CNTNAP4: variants seen among roughly 807,000 people sequenced by gnomAD.
CNTNAP4 encodes contactin associated protein family member 4.
In CNTNAP4, 98 loss-of-function variants were observed where a neutral mutation model predicts 148.4. The observed-to-expected ratio is 0.66, with a 90% CI of 0.56 to 0.78. The LOEUF is 0.78. CNTNAP4 is among the 30% of genes least tolerant of loss of function. The pLI is 0.00. For missense variants in CNTNAP4, 1,935 were observed against 1,565.6 expected (o/e 1.24, Z -3.98); for synonymous variants, 730 against 565.1 (o/e 1.29, Z -4.14).
intron 1 of CNTNAP4, among the ~76,000 whole-genome samples, chr16:76,280,292 T>C (rs1958637551): frequency 6.6e-6 from 1 of 152,106 alleles, no homozygotes; most frequent in African/African-American, 2.4e-5. Context: ...GCACTTTAAT[T>C]TGAATGTTAA....
At chr16:76,280,723 T>C (rs925538585) in intron 1 of CNTNAP4, among the ~76,000 whole-genome samples, 5 of 152,144 alleles carry the variant, frequency 3.3e-5, no homozygotes, top group South Asian at 2.1e-4. Context: ...ATGGGTGTGC[T>C]CTTTGAGAAG....
chr16:76,505,999 C>T lies in CNTNAP4; in HGVS notation c.2365+7305C>T, dbSNP rs2082823341. Among the ~76,000 whole-genome samples, 2 of 97,688 alleles carry T rather than the reference C, an allele frequency of 2.0e-5. 1 individual carries two copies. The highest frequency in any genetic ancestry group is 5.1e-5 in the African/African-American group (2 of 38,990). The allele number at this position is 97,688 out of a possible 152,430, so 64.1% of individuals were successfully genotyped here. A position where few individuals can be genotyped will look rare whatever the true frequency, so the allele number is the denominator to read the frequency against. ...AAGATTTCAGTAATATGGATATTCT[C>T]CAATTCTCCAGCACATTTCTGGAAT... On this transcript the variant is annotated intron_variant, in intron 15 of 23. Transcript: ENST00000611870.
intron 8 of CNTNAP4, among the ~76,000 whole-genome samples, chr16:76,455,768 C>G (rs1486409808): frequency 6.6e-6 from 1 of 152,158 alleles, no homozygotes; most frequent in Non-Finnish European, 1.5e-5. Flanking sequence ...GCCTTTTGCA[C>G]CTTTGCTGAA....
chr16:76,355,396 C>A lies in CNTNAP4; in HGVS notation c.275C>A (p.Thr92Asn), dbSNP rs777332448. ...GACCTTGGAGAGAGAATGGAGGTCA[C>A]CGCTGTGGCCACTCAAGGGGGATAT... ...QIDLGERMEV[T>N]AVATQGGYGS... The change falls in exon 3 of 24, where the codon ACC becomes AAC. Residue 92 changes from threonine to asparagine, a missense_variant. Thr to Asn is a moderately conservative substitution (Grantham distance 65). Coordinates refer to ENST00000611870, the MANE Select transcript of CNTNAP4 (RefSeq NM_033401.5). The A allele has an allele frequency of 1.9e-6, 3 of 1,610,946 alleles. No homozygotes were observed. The highest frequency in any genetic ancestry group is 2.5e-6 in the Non-Finnish European group (3 of 1,178,308).
intron 2 of CNTNAP4, among the ~76,000 whole-genome samples, chr16:76,347,749 T>A (rs936829422): frequency 1.3e-5 from 2 of 152,030 alleles, no homozygotes; most frequent in African/African-American, 4.8e-5. Flanking sequence ...TGACTGATGT[T>A]CAGTTTATTC....
At chr16:76,367,210 C>G (rs901686674) in intron 3 of CNTNAP4, among the ~76,000 whole-genome samples, 4 of 151,700 alleles carry the variant, frequency 2.6e-5, no homozygotes, top group Non-Finnish European at 4.4e-5. Context: ...ATGTATTAGT[C>G]AATATGGAAA....
intron 3 of CNTNAP4, among the ~76,000 whole-genome samples, chr16:76,366,340 G>C (rs950056215): frequency 2.6e-5 from 4 of 152,056 alleles, no homozygotes; most frequent in Non-Finnish European, 4.4e-5. Flanking sequence ...GTGTTTATGA[G>C]TTCTCATCAT....
chr16:76,529,666 G>T (rs1297704879), intron 17 of CNTNAP4, among the ~76,000 whole-genome samples: 18 of 152,192 alleles, frequency 1.2e-4, no homozygotes, highest in Admixed American at 1.2e-3. Flanking sequence ...CTCTCACCTG[G>T]AGGAGAAGTA....
At chr16:76,377,905 A>G (rs993064383) in intron 3 of CNTNAP4, among the ~76,000 whole-genome samples, 1 of 152,200 alleles carries the variant, frequency 6.6e-6, no homozygotes, top group African/African-American at 2.4e-5. Context: ...TGAATTCACC[A>G]TGCTAGTGGC....
At chr16:76,457,262 G>A (rs188727823) in intron 8 of CNTNAP4, among the ~76,000 whole-genome samples, 166 of 152,296 alleles carry the variant, frequency 1.1e-3, no homozygotes, top group African/African-American at 3.6e-3. Context: ...TTAAAATTAG[G>A]TAGAGTTAGT....
intron 2 of CNTNAP4, among the ~76,000 whole-genome samples, chr16:76,353,150 C>T (rs546771584): frequency 2.6e-5 from 4 of 152,174 alleles, no homozygotes; most frequent in East Asian, 3.9e-4. Context: ...TTTCTGGATC[C>T]ACAAAAGAGG....
At chr16:76,339,574 G>A (rs373605083) in intron 2 of CNTNAP4, among the ~76,000 whole-genome samples, 96 of 152,298 alleles carry the variant, frequency 6.3e-4, no homozygotes, top group Middle Eastern at 3.4e-3. Flanking sequence ...ATGACACAAA[G>A]AGAATTTAAG....
At chr16:76,473,861 G>T (rs1033692699) in intron 10 of CNTNAP4, among the ~76,000 whole-genome samples, 4 of 90,390 alleles carry the variant, frequency 4.4e-5, no homozygotes, top group African/African-American at 2.0e-4. Context: ...GTTTTGTTTT[G>T]TTTTGTTTTG....
intron 3 of CNTNAP4, among the ~76,000 whole-genome samples, chr16:76,400,171 C>G (rs770694763): frequency 2.2e-4 from 34 of 152,108 alleles, no homozygotes; most frequent in Non-Finnish European, 4.7e-4. Flanking sequence ...AGGAGCCAGT[C>G]AAGGCTATGT....
At chr16:76,521,960 T>A in intron 16 of CNTNAP4, 79 bp from the exon 17 acceptor site, 1 of 1,244,228 alleles carries the variant, frequency 8.0e-7, no homozygotes, top group Non-Finnish European at 1.2e-6. Flanking sequence ...TACGCTGTAG[T>A]GTGTTCCTAA....
At chr16:76,558,468 T>C (rs1450057155) in intron 23 of CNTNAP4, 22 bp from the exon 24 acceptor site, 1 of 1,450,756 alleles carries the variant, frequency 6.9e-7, no homozygotes, top group Non-Finnish European at 9.6e-7. Flanking sequence ...ATTCTGACTT[T>C]ATATTTCTTT....
At chr16:76,480,167 G>T (rs991708321) in intron 12 of CNTNAP4, among the ~76,000 whole-genome samples, 1 of 151,074 alleles carries the variant, frequency 6.6e-6, no homozygotes, top group South Asian at 2.1e-4. Flanking sequence ...AAATATTGGG[G>T]AAAAAAAAGA....
At chr16:76,346,571 C>CT (rs1267678524) in intron 2 of CNTNAP4, among the ~76,000 whole-genome samples, 2 of 151,866 alleles carry the variant, frequency 1.3e-5, no homozygotes, top group Admixed American at 1.3e-4. Flanking sequence ...TAAATCAAAA[C>CT]TTTCAGAAAG....
intron 3 of CNTNAP4, among the ~76,000 whole-genome samples, chr16:76,391,816 G>C (rs1444323740): frequency 6.6e-6 from 1 of 152,194 alleles, no homozygotes; most frequent in African/African-American, 2.4e-5. Flanking sequence ...CAGGATCTCA[G>C]TCACTGCTTC....
Sources: gnomAD v4.1 joint callset for allele counts (sites outside exome capture counted in the v4.1 genomes callset) on GRCh38, gnomAD v4.1.1 for gene constraint, MANE v1.5 for transcripts, NCBI Gene and HGNC (gene_info 2026-07-23, HGNC 2026-07-21) for gene names.